ASH1L: variants seen among roughly 807,000 people sequenced by gnomAD.
ASH1L encodes ASH1 like histone lysine methyltransferase.
In ASH1L, 23 loss-of-function variants were observed where a neutral mutation model predicts 269.0. The ratio of observed to expected loss-of-function variants is 0.09; its 90% CI spans 0.06 to 0.12. The LOEUF is 0.12. ASH1L is among the 10% of genes least tolerant of loss of function. The pLI is 1.00. For missense variants in ASH1L, 2,912 were observed against 3,567.8 expected (o/e 0.82, Z 4.68); for synonymous variants, 1,187 against 1,253.5 (o/e 0.95, Z 1.12).
chr1:155,379,752 A>C (rs1301878309), intron 8 of ASH1L, among the ~76,000 whole-genome samples: 1 of 152,208 alleles, frequency 6.6e-6, no homozygotes, highest in Non-Finnish European at 1.5e-5. Flanking sequence ...CCTGCATCAA[A>C]TAGAATTCTT....
chr1:155,404,861 C>G (rs1659136713), intron 6 of ASH1L, among the ~76,000 whole-genome samples: 1 of 151,648 alleles, frequency 6.6e-6, no homozygotes, highest in South Asian at 2.1e-4. Flanking sequence ...AACTCTTTCT[C>G]TACTAAAAAC....
intron 2 of ASH1L, among the ~76,000 whole-genome samples, chr1:155,488,617 C>T (rs1170650520): frequency 3.1e-5 from 4 of 129,660 alleles, no homozygotes; most frequent in African/African-American, 1.2e-4. Flanking sequence ...TGCAGTGAGC[C>T]GAGATCACAC....
intron 13 of ASH1L, among the ~76,000 whole-genome samples, chr1:155,358,232 G>A (rs1656926316): frequency 6.6e-6 from 1 of 152,098 alleles, no homozygotes. Flanking sequence ...TAGAAATGAT[G>A]GATTAAATTT....
chr1:155,350,051 G>A (rs1653751290), intron 17 of ASH1L, among the ~76,000 whole-genome samples: 3 of 151,824 alleles, frequency 2.0e-5, no homozygotes, highest in African/African-American at 7.3e-5. Context: ...CACCATGCCC[G>A]GCTAATTTTT....
chr1:155,453,111 T>C (rs1663609838), intron 4 of ASH1L, among the ~76,000 whole-genome samples: 1 of 152,078 alleles, frequency 6.6e-6, no homozygotes, highest in African/African-American at 2.4e-5. Context: ...TCCCAGCACT[T>C]TGGGGGGCCG....
At chr1:155,538,671 A>G (rs1248453488) in intron 1 of ASH1L, among the ~76,000 whole-genome samples, 2 of 131,992 alleles carry the variant, frequency 1.5e-5, no homozygotes, top group Non-Finnish European at 3.1e-5. Flanking sequence ...TTTAATAAAG[A>G]CGGCTCTATC....
chr1:155,541,457 A>G (rs1670422390), intron 1 of ASH1L, among the ~76,000 whole-genome samples: 1 of 152,116 alleles, frequency 6.6e-6, no homozygotes, highest in African/African-American at 2.4e-5. Flanking sequence ...TTTACATGAA[A>G]CTACTAAGTC....
intron 2 of ASH1L, among the ~76,000 whole-genome samples, chr1:155,517,542 A>T (rs1668573460): frequency 6.6e-6 from 1 of 152,000 alleles, no homozygotes; most frequent in Admixed American, 6.6e-5. Context: ...CTGAGGCAGG[A>T]GGCAGGAGAA....
At chr1:155,508,307 AC>A (rs1667944030) in intron 2 of ASH1L, among the ~76,000 whole-genome samples, 1 of 152,198 alleles carries the variant, frequency 6.6e-6, no homozygotes, top group African/African-American at 2.4e-5. Flanking sequence ...TTTTCTTTCC[AC>A]TTGGGAGGAA....
At chr1:155,349,709 C>CTTTTTTTTTTTTT (rs993462774) in intron 17 of ASH1L, 113 bp from the exon 18 acceptor site, 2 of 240,054 alleles carry the variant, frequency 8.3e-6, no homozygotes, top group African/African-American at 8.2e-5. Context: ...AAATCCAAGT[C>CTTTTTTTTTTTTT]TTTTTTTTTT....
intron 5 of ASH1L, among the ~76,000 whole-genome samples, chr1:155,424,976 G>A (rs1247880269): frequency 6.6e-6 from 1 of 150,700 alleles, no homozygotes; most frequent in Non-Finnish European, 1.5e-5. Context: ...GCTAGTTTTT[G>A]TGTTTTTTTT....
intron 7 of ASH1L, among the ~76,000 whole-genome samples, chr1:155,386,708 A>G (rs1235710600): frequency 6.6e-6 from 1 of 151,432 alleles, no homozygotes; most frequent in African/African-American, 2.4e-5. Flanking sequence ...CCACTTCTCA[A>G]TGGTTTTTTT....
chr1:155,452,291 G>A (rs991112643), intron 4 of ASH1L, among the ~76,000 whole-genome samples: 7 of 150,674 alleles, frequency 4.6e-5, no homozygotes, highest in East Asian at 2.0e-4. Context: ...TGCCCACCTC[G>A]GCCGCCCAAA....
Position 155,480,051 on chromosome 1 carries a change from T to C in ASH1L, c.2819A>G (p.Asp940Gly). 1.2e-6 allele frequency: 2 copies of C among 1,614,108 alleles called. No homozygotes were observed. Among genetic ancestry groups the C allele is most frequent in the Non-Finnish European group, 1.7e-6 (2 of 1,180,012 alleles). Residue 940 changes from aspartate (D) to glycine (G), a missense_variant, in exon 3 of 28, where the codon GAT (aspartate) becomes GGT (glycine). Asp to Gly is a moderately conservative substitution (Grantham distance 94). Coordinates refer to ENST00000392403, the MANE Select transcript of ASH1L (RefSeq NM_018489.3). ...TAGGTCATCTGGATCCTGAAGTTGA[T>C]CCTCGCTCTCAAAGAAATCACTGCT... ...RSSSDFFESE[D>G]QLQDPDDLDD...
chr1:155,345,828 C>CT (rs547656258), intron 21 of ASH1L: 1,601 of 144,084 alleles, frequency 0.011, 82 homozygotes, highest in South Asian at 0.029. Flanking sequence ...TGCACCCGGC[C>CT]TTTTTTTTTT....
At position 155,432,135 on chromosome 1, in the gene ASH1L, T is replaced by C. The variant is rs191797378; in HGVS notation, c.5828+6192A>G. ...GGCACAATCTGATCCCTACAACCTC[T>C]ATCTGTATCCCATGCTACTCTACTC... On this transcript the variant is annotated intron_variant, in intron 5 of 27. Transcript: ENST00000392403. Among the ~76,000 whole-genome samples the C allele has an allele frequency of 1.8e-4, 27 of 152,274 alleles. No homozygotes were observed. The East Asian group carries it at 4.6e-3, about 26-fold the overall frequency.
chr1:155,403,185 CAA>C (rs796380821), intron 6 of ASH1L, among the ~76,000 whole-genome samples: 3 of 139,616 alleles, frequency 2.1e-5, no homozygotes, highest in Non-Finnish European at 1.6e-5. Context: ...AACTCCATCT[CAA>C]AAAAAAAAAA....
At chr1:155,455,550 C>T (rs1663811297) in intron 4 of ASH1L, among the ~76,000 whole-genome samples, 1 of 152,176 alleles carries the variant, frequency 6.6e-6, no homozygotes, top group South Asian at 2.1e-4. Context: ...ATTCCTTTGA[C>T]TATACCTAGA....
At chr1:155,558,845 T>G (rs756601422) in intron 1 of ASH1L, among the ~76,000 whole-genome samples, 1 of 149,218 alleles carries the variant, frequency 6.7e-6, no homozygotes, top group African/African-American at 2.5e-5. Context: ...GGCCCCTTTT[T>G]CTTTTCTTTT....
Sources: gnomAD v4.1 joint callset for allele counts (sites outside exome capture counted in the v4.1 genomes callset) on GRCh38, gnomAD v4.1.1 for gene constraint, MANE v1.5 for transcripts, NCBI Gene and HGNC (gene_info 2026-07-23, HGNC 2026-07-21) for gene names.